The following ENTREP2 variants were observed in gnomAD, a reference collection of about 807,000 sequenced individuals.
The protein encoded by ENTREP2 is endosomal transmembrane epsin interactor 2, also known as protein ENTREP2.
At chr15:29,394,906 T>C in the ENTREP2 span, among the ~76,000 whole-genome samples, 3 of 135,232 alleles carry the variant, frequency 2.2e-5, no homozygotes, top group Non-Finnish European at 4.8e-5. Context: ...TTTTTTTTTT[T>C]TGAGACAGTT....
the ENTREP2 span, among the ~76,000 whole-genome samples, chr15:29,215,975 C>T: frequency 2.6e-5 from 4 of 152,114 alleles, no homozygotes; most frequent in Non-Finnish European, 5.9e-5. Flanking sequence ...ATGTGAGGTA[C>T]CATTGCATTC....
chr15:29,650,779 CAGG>C, the ENTREP2 span, among the ~76,000 whole-genome samples: 852 of 152,186 alleles, frequency 5.6e-3, 9 homozygotes, highest in African/African-American at 0.019. Context: ...GCTTCTGAGG[CAGG>C]AGGATTGCTT....
the ENTREP2 span, among the ~76,000 whole-genome samples, chr15:29,482,311 G>C: frequency 8.3e-4 from 126 of 152,136 alleles, no homozygotes; most frequent in African/African-American, 2.8e-3. Flanking sequence ...TACCTGGCCA[G>C]TACATTTCTT....
chr15:29,214,731 A>G, the ENTREP2 span, among the ~76,000 whole-genome samples: 1 of 152,026 alleles, frequency 6.6e-6, no homozygotes, highest in Non-Finnish European at 1.5e-5. Flanking sequence ...AAGTTATTTA[A>G]TTTCCATGTA....
At chr15:29,292,061 G>A in the ENTREP2 span, among the ~76,000 whole-genome samples, 1 of 152,202 alleles carries the variant, frequency 6.6e-6, no homozygotes, top group East Asian at 1.9e-4. Flanking sequence ...ACTATCCTGA[G>A]TGCTATCATT....
At chr15:29,596,523 T>C in the ENTREP2 span, among the ~76,000 whole-genome samples, 1 of 152,256 alleles carries the variant, frequency 6.6e-6, no homozygotes, top group Non-Finnish European at 1.5e-5. Context: ...CCTGTGCCTT[T>C]AGTCATTCAT....
chr15:29,403,459 C>T, the ENTREP2 span, among the ~76,000 whole-genome samples: 2 of 152,092 alleles, frequency 1.3e-5, no homozygotes, highest in Non-Finnish European at 2.9e-5. Context: ...TTTGTTGATA[C>T]AGAACATTAA....
At chr15:29,287,448 T>C in the ENTREP2 span, among the ~76,000 whole-genome samples, 1 of 151,486 alleles carries the variant, frequency 6.6e-6, no homozygotes, top group East Asian at 1.9e-4. Context: ...ATAAAACTAT[T>C]GTTGTTTTAA....
the ENTREP2 span, among the ~76,000 whole-genome samples, chr15:29,176,502 G>A: frequency 6.6e-6 from 1 of 152,200 alleles, no homozygotes; most frequent in African/African-American, 2.4e-5. Flanking sequence ...GAGGGTGGAA[G>A]AGCAGAGAAG....
At chr15:29,611,489 T>C in the ENTREP2 span, among the ~76,000 whole-genome samples, 1 of 152,178 alleles carries the variant, frequency 6.6e-6, no homozygotes, top group Non-Finnish European at 1.5e-5. Flanking sequence ...TCCACGCTCC[T>C]GGCCTGGGAG....
chr15:29,298,601 G>C, the ENTREP2 span, among the ~76,000 whole-genome samples: 1 of 152,064 alleles, frequency 6.6e-6, no homozygotes, highest in African/African-American at 2.4e-5. Context: ...GAATACATTT[G>C]AAAATTTAGA....
the ENTREP2 span, among the ~76,000 whole-genome samples, chr15:29,581,722 A>T: frequency 6.6e-6 from 1 of 152,024 alleles, no homozygotes; most frequent in Non-Finnish European, 1.5e-5. Context: ...TTTTTTTTTA[A>T]AAGACATATG....
chr15:29,533,886 C>T, the ENTREP2 span, among the ~76,000 whole-genome samples: 1 of 152,000 alleles, frequency 6.6e-6, no homozygotes, highest in Non-Finnish European at 1.5e-5. Context: ...CCAGTAGGCC[C>T]AAACAATGAG....
the ENTREP2 span, among the ~76,000 whole-genome samples, chr15:29,395,760 T>C: frequency 7.9e-5 from 12 of 151,924 alleles, no homozygotes; most frequent in African/African-American, 2.9e-4. Context: ...TCTTGAACTC[T>C]TGGGTGCCAA....
chr15:29,252,223 C>T, the ENTREP2 span: 1 of 498,794 alleles, frequency 2.0e-6, no homozygotes, highest in Non-Finnish European at 3.6e-6. Flanking sequence ...TCAGCTTAAC[C>T]TAAATACCCT....
At chr15:29,172,560 C>T in the ENTREP2 span, among the ~76,000 whole-genome samples, 2 of 151,728 alleles carry the variant, frequency 1.3e-5, no homozygotes, top group Non-Finnish European at 2.9e-5. Context: ...TAAGTAGAGC[C>T]CGGGGTGATG....
At chr15:29,384,847 G>A in the ENTREP2 span, among the ~76,000 whole-genome samples, 2 of 152,160 alleles carry the variant, frequency 1.3e-5, no homozygotes, top group African/African-American at 4.8e-5. Flanking sequence ...TCTGCCATCT[G>A]CCTAGGATGA....
the ENTREP2 span, among the ~76,000 whole-genome samples, chr15:29,522,147 A>T: frequency 3.9e-5 from 6 of 152,370 alleles, no homozygotes; most frequent in African/African-American, 1.4e-4. Flanking sequence ...TGAATCACAG[A>T]CATAAATGTA....
chr15:29,215,730 T>C, the ENTREP2 span, among the ~76,000 whole-genome samples: 1 of 152,166 alleles, frequency 6.6e-6, no homozygotes, highest in South Asian at 2.1e-4. Flanking sequence ...CTGCTCCCTT[T>C]TGGTGTCAAT....
Sources: allele counts gnomAD v4.1 joint callset (sites outside exome capture counted in the v4.1 genomes callset), GRCh38; gene constraint gnomAD v4.1.1; transcripts MANE v1.5; gene names NCBI Gene and HGNC (gene_info 2026-07-23, HGNC 2026-07-21).